Variants in SPAG16 observed in about 807,000 individuals in gnomAD.
SPAG16 encodes sperm-associated antigen 16 protein.
In SPAG16, 86 loss-of-function variants were observed where a neutral mutation model predicts 80.4. The observed-to-expected ratio is 1.07, with a 90% confidence interval of 0.90 to 1.28. The LOEUF is 1.28. Among genes scored for constraint, SPAG16 ranks in the 50% most tolerant of loss-of-function variants. The pLI is 0.00. For missense variants in SPAG16, 870 were observed against 765.3 expected (o/e 1.14, Z -1.61); for synonymous variants, 294 against 265.9 (o/e 1.11, Z -1.03).
chr2:213,483,264 A>T (rs928927692), intron 9 of SPAG16, among the ~76,000 whole-genome samples: 11 of 151,980 alleles, frequency 7.2e-5, no homozygotes, highest in Middle Eastern at 3.2e-3. Context: ...AAAACTTTAT[A>T]TGTAGATCTT....
chr2:213,805,602 G>C (rs1288680061), intron 10 of SPAG16, among the ~76,000 whole-genome samples: 1 of 152,106 alleles, frequency 6.6e-6, no homozygotes. Flanking sequence ...TATAAGCAGA[G>C]CTGGATAACC....
intron 15 of SPAG16, among the ~76,000 whole-genome samples, chr2:214,249,591 G>T (rs867575403): frequency 6.6e-6 from 1 of 152,036 alleles, no homozygotes; most frequent in Admixed American, 6.6e-5. Flanking sequence ...AAGTAAACAC[G>T]ATTGACAATA....
At chr2:213,342,803 G>T (rs1043994394) in intron 6 of SPAG16, among the ~76,000 whole-genome samples, 3 of 151,718 alleles carry the variant, frequency 2.0e-5, no homozygotes, top group African/African-American at 7.3e-5. Flanking sequence ...TTAAGATGGT[G>T]GAAAATTGGC....
chr2:213,999,484 G>C (rs1026533018), intron 12 of SPAG16, among the ~76,000 whole-genome samples: 12 of 152,208 alleles, frequency 7.9e-5, no homozygotes, highest in African/African-American at 2.7e-4. Flanking sequence ...TTGCTGCAGG[G>C]GCAGGGTGCT....
At chr2:214,034,533 T>A (rs1165346331) in intron 13 of SPAG16, among the ~76,000 whole-genome samples, 1 of 152,188 alleles carries the variant, frequency 6.6e-6, no homozygotes, top group Non-Finnish European at 1.5e-5. Flanking sequence ...CAAGGGCAAG[T>A]GGAGCAGCAA....
intron 15 of SPAG16, among the ~76,000 whole-genome samples, chr2:214,386,044 G>C (rs1267108908): frequency 6.6e-6 from 1 of 151,948 alleles, no homozygotes; most frequent in Non-Finnish European, 1.5e-5. Context: ...CATATTATCT[G>C]CCTTTTATAA....
intron 9 of SPAG16, among the ~76,000 whole-genome samples, chr2:213,476,396 T>A (rs1312022325): frequency 6.6e-6 from 1 of 152,140 alleles, no homozygotes; most frequent in Non-Finnish European, 1.5e-5. Flanking sequence ...AGAAGCTGGA[T>A]TGGAATAAAG....
intron 15 of SPAG16, among the ~76,000 whole-genome samples, chr2:214,275,441 C>T (rs112306452): frequency 0.022 from 3,362 of 152,256 alleles, 84 homozygotes; most frequent in African/African-American, 0.057. Flanking sequence ...GTGCTATAAA[C>T]TTCCCTCTAC....
At chr2:214,271,121 T>G (rs1195896517) in intron 15 of SPAG16, among the ~76,000 whole-genome samples, 1 of 152,196 alleles carries the variant, frequency 6.6e-6, no homozygotes, top group Non-Finnish European at 1.5e-5. Flanking sequence ...GATACTTTTT[T>G]GCATTTTTGT....
chr2:213,731,762 C>T (rs1280053026), intron 10 of SPAG16, among the ~76,000 whole-genome samples: 1 of 152,158 alleles, frequency 6.6e-6, no homozygotes, highest in African/African-American at 2.4e-5. Context: ...TCCTCCAGCT[C>T]CATCCATGTC....
At chr2:213,711,070 G>A (rs1574900377) in intron 10 of SPAG16, among the ~76,000 whole-genome samples, 4 of 152,008 alleles carry the variant, frequency 2.6e-5, no homozygotes, top group African/African-American at 9.7e-5. Context: ...TATATTCCTT[G>A]TAAAAGACTA....
At chr2:213,864,807 A>G (rs1017260686) in intron 11 of SPAG16, among the ~76,000 whole-genome samples, 4 of 152,048 alleles carry the variant, frequency 2.6e-5, no homozygotes, top group Non-Finnish European at 5.9e-5. Context: ...GTTTACCTTG[A>G]CTGACCCCAA....
chr2:213,536,875 G>A (rs904887460), intron 10 of SPAG16, among the ~76,000 whole-genome samples: 12 of 152,058 alleles, frequency 7.9e-5, no homozygotes, highest in African/African-American at 1.7e-4. Flanking sequence ...TATGTTTATC[G>A]CGGCACTATT....
At chr2:214,386,157 T>C (rs1422628601) in intron 15 of SPAG16, among the ~76,000 whole-genome samples, 2 of 152,088 alleles carry the variant, frequency 1.3e-5, no homozygotes, top group African/African-American at 4.8e-5. Flanking sequence ...GGCTGATCAC[T>C]TGAGCCCAGA....
intron 10 of SPAG16, among the ~76,000 whole-genome samples, chr2:213,833,516 TATATA>T (rs1559506242): frequency 0.12 from 642 of 5,562 alleles, 288 homozygotes; most frequent in East Asian, 0.65. Context: ...ATATATAATA[TATATA>T]ATATATATAT....
chr2:213,374,791 A>G (rs1413850816), intron 8 of SPAG16, among the ~76,000 whole-genome samples: 3 of 152,118 alleles, frequency 2.0e-5, no homozygotes, highest in Non-Finnish European at 2.9e-5. Flanking sequence ...CTGGCTCACC[A>G]TGTATTTAAT....
intron 15 of SPAG16, among the ~76,000 whole-genome samples, chr2:214,390,957 G>T (rs904308828): frequency 6.6e-6 from 1 of 152,202 alleles, no homozygotes; most frequent in African/African-American, 2.4e-5. Context: ...TGCTAAGGTT[G>T]TGAAGAGGCA....
At chr2:213,469,570 G>GTTT (rs34005287) in intron 9 of SPAG16, among the ~76,000 whole-genome samples, 907 of 79,288 alleles carry the variant, frequency 0.011, 131 homozygotes, top group Non-Finnish European at 0.016. Flanking sequence ...ACCTCAGCAG[G>GTTT]TTTTTTTTTT....
At chr2:214,141,862 T>C (rs758671055) in intron 14 of SPAG16, among the ~76,000 whole-genome samples, 1 of 152,192 alleles carries the variant, frequency 6.6e-6, no homozygotes, top group Admixed American at 6.5e-5. Flanking sequence ...AGGTGCAGTT[T>C]TATTTTTATG....
Sources: allele counts gnomAD v4.1 joint callset (sites outside exome capture counted in the v4.1 genomes callset), GRCh38; gene constraint gnomAD v4.1.1; transcripts MANE v1.5; gene names NCBI Gene and HGNC (gene_info 2026-07-23, HGNC 2026-07-21).